MPZL1: variants seen among roughly 807,000 people sequenced by gnomAD.
The protein encoded by MPZL1 is myelin protein zero-like protein 1.
In MPZL1, 16 loss-of-function variants were observed where a neutral mutation model predicts 29.3. The ratio of observed to expected loss-of-function variants is 0.55; its 90% confidence interval spans 0.37 to 0.83. The LOEUF is 0.83. MPZL1 is among the 40% of genes least tolerant of loss of function. MPZL1 has a pLI of 0.00. For synonymous variants in MPZL1, 143 were observed against 132.0 expected (o/e 1.08, Z -0.57); for missense variants, 279 against 332.9 (o/e 0.84, Z 1.26).
chr1:167,767,440 C>T (rs1313979998), intron 2 of MPZL1, among the ~76,000 whole-genome samples: 1 of 152,212 alleles, frequency 6.6e-6, no homozygotes, highest in African/African-American at 2.4e-5. Flanking sequence ...TGGAAACAGT[C>T]TTGTCGTGTA....
chr1:167,760,468 G>A (rs1043222969), intron 1 of MPZL1, among the ~76,000 whole-genome samples: 8 of 152,142 alleles, frequency 5.3e-5, no homozygotes, highest in Non-Finnish European at 1.0e-4. Flanking sequence ...CTCCCAAAGT[G>A]CTGGGATTAC....
intron 5 of MPZL1, among the ~76,000 whole-genome samples, chr1:167,785,835 C>T (rs1220298809): frequency 2.0e-5 from 3 of 152,120 alleles, no homozygotes; most frequent in Non-Finnish European, 2.9e-5. Context: ...CTTTGTCACC[C>T]GGGCTGAAGT....
rs545689103 is a variant in MPZL1, at chr1:167,785,881, C to G, written c.709-1939C>G. ...TATCTTGGCTCACTGTAAGCTCCGCCTCCTGGGTTCACACCATTCTCCTGC... is the reference window on the plus strand; with the variant it reads ...TATCTTGGCTCACTGTAAGCTCCGCGTCCTGGGTTCACACCATTCTCCTGC... On this transcript the variant is annotated intron_variant, in intron 5 of 5. Coordinates refer to ENST00000359523, the MANE Select transcript of MPZL1 (RefSeq NM_003953.6). Among the ~76,000 whole-genome samples the G allele has an allele frequency of 1.9e-3, 289 of 152,292 alleles. 1 individual carries two copies. Among genetic ancestry groups the G allele is most frequent in the Non-Finnish European group, 3.5e-3 (241 of 68,028 alleles).
intron 1 of MPZL1, among the ~76,000 whole-genome samples, chr1:167,741,171 C>T (rs1244174033): frequency 6.6e-6 from 1 of 151,192 alleles, no homozygotes; most frequent in Non-Finnish European, 1.5e-5. Flanking sequence ...CATGTGCCAC[C>T]ACGCCTGGCT....
At chr1:167,781,481 C>T (rs1164345173) in intron 5 of MPZL1, among the ~76,000 whole-genome samples, 3 of 151,970 alleles carry the variant, frequency 2.0e-5, no homozygotes, top group Admixed American at 1.3e-4. Context: ...AATTGAACAA[C>T]CCATGAGTAA....
At chr1:167,739,262 CATACATAT>C (rs1236250495) in intron 1 of MPZL1, among the ~76,000 whole-genome samples, 63 of 120,158 alleles carry the variant, frequency 5.2e-4, no homozygotes, top group Non-Finnish European at 6.7e-4. Flanking sequence ...AATACATACA[CATACATAT>C]ATACATATAT....
chr1:167,787,754 T>C (rs1384438722), intron 5 of MPZL1, 66 bp from the exon 6 acceptor site: 2 of 1,189,794 alleles, frequency 1.7e-6, no homozygotes, highest in African/African-American at 1.5e-5. Flanking sequence ...TCATTGCTTC[T>C]ATGCCTGTAG....
chr1:167,773,105 T>C (rs1460070032), intron 3 of MPZL1, 131 bp from the exon 4 acceptor site: 1 of 858,132 alleles, frequency 1.2e-6, no homozygotes, highest in African/African-American at 1.7e-5. Context: ...GATAGTAGGA[T>C]CTCATAGTTT....
intron 3 of MPZL1, 39 bp downstream of exon 3, chr1:167,772,527 C>T: frequency 6.5e-7 from 1 of 1,526,954 alleles, no homozygotes; most frequent in Non-Finnish European, 9.0e-7. Context: ...AATGCAGTCT[C>T]CTTTATCTCA....
chr1:167,785,868 CTG>C (rs1200269689), intron 5 of MPZL1, among the ~76,000 whole-genome samples: 2 of 152,194 alleles, frequency 1.3e-5, no homozygotes, highest in African/African-American at 4.8e-5. Flanking sequence ...TCTTGGCTCA[CTG>C]TAAGCTCCGC....
chr1:167,769,150 C>T (rs1310165131), intron 2 of MPZL1, among the ~76,000 whole-genome samples: 1 of 152,164 alleles, frequency 6.6e-6, no homozygotes, highest in Admixed American at 6.5e-5. Flanking sequence ...GCGAATCTCA[C>T]CTTGCAGGGT....
At chr1:167,727,531 A>G (rs934038804) in intron 1 of MPZL1, among the ~76,000 whole-genome samples, 1 of 152,202 alleles carries the variant, frequency 6.6e-6, no homozygotes, top group Non-Finnish European at 1.5e-5. Context: ...CCCATCGAAG[A>G]CGGTATAATT....
At chr1:167,731,329 G>A (rs1003294851) in intron 1 of MPZL1, among the ~76,000 whole-genome samples, 1 of 148 alleles carries the variant, frequency 6.8e-3, no homozygotes, top group Non-Finnish European at 0.016. Context: ...CCAGCTATTC[G>A]GGAAGGCTGA....
At position 167,731,434 on chromosome 1, in the gene MPZL1, C is replaced by CTTT. The variant is rs1255648939; in HGVS notation, c.91+9210_91+9212dup. Among the ~76,000 whole-genome samples, 26 of 121,600 alleles carry CTTT rather than the reference C, an allele frequency of 2.1e-4. 1 individual carries two copies. The highest frequency in any genetic ancestry group is 1.0e-3 in the East Asian group (4 of 3,996). The allele number at this position is 121,600 out of a possible 152,430, so 79.8% of individuals were successfully genotyped here. A position where few individuals can be genotyped will look rare whatever the true frequency, so the allele number is the denominator to read the frequency against. ...CCTGGGCGACAGAGTAAAACTGTGT[C>CTTT]TTTTTTTTTTTTTTTTTTTTGAGAC... On this transcript the variant is annotated intron_variant, in intron 1 of 5. Coordinates refer to ENST00000359523, the MANE Select transcript of MPZL1 (RefSeq NM_003953.6).
chr1:167,783,060 G>A (rs1661526063), intron 5 of MPZL1, among the ~76,000 whole-genome samples: 1 of 152,158 alleles, frequency 6.6e-6, no homozygotes, highest in African/African-American at 2.4e-5. Flanking sequence ...CGAATCTGGT[G>A]GGGTAGGATT....
intron 5 of MPZL1, among the ~76,000 whole-genome samples, chr1:167,783,177 A>G (rs1661528138): frequency 6.6e-6 from 1 of 152,186 alleles, no homozygotes; most frequent in Admixed American, 6.5e-5. Flanking sequence ...CTCTTAGGGC[A>G]GAGGAAGGTA....
intron 1 of MPZL1, among the ~76,000 whole-genome samples, chr1:167,730,633 A>G (rs542796373): frequency 2.2e-4 from 34 of 152,202 alleles, no homozygotes; most frequent in Non-Finnish European, 2.5e-4. Flanking sequence ...CAAGAGCACA[A>G]GCATGAATCC....
At chr1:167,725,356 A>G (rs1449491446) in intron 1 of MPZL1, among the ~76,000 whole-genome samples, 7 of 152,190 alleles carry the variant, frequency 4.6e-5, no homozygotes, top group Non-Finnish European at 1.0e-4. Context: ...ATCTCGGCTT[A>G]CTGCAACCTC....
At chr1:167,764,541 A>G (rs1661067982) in intron 1 of MPZL1, among the ~76,000 whole-genome samples, 1 of 152,238 alleles carries the variant, frequency 6.6e-6, no homozygotes, top group East Asian at 1.9e-4. Context: ...AGTTCTTTAT[A>G]AGAAAAGGAT....
Sources: gnomAD v4.1 joint callset for allele counts (sites outside exome capture counted in the v4.1 genomes callset) on GRCh38, gnomAD v4.1.1 for gene constraint, MANE v1.5 for transcripts, NCBI Gene and HGNC (gene_info 2026-07-23, HGNC 2026-07-21) for gene names.